SYNE1: variants seen among roughly 807,000 people sequenced by gnomAD.
SYNE1 encodes nesprin-1.
In SYNE1, 616 loss-of-function variants were observed where a neutral mutation model predicts 1,111.0. The observed-to-expected ratio is 0.55, with a 90% CI of 0.52 to 0.59. The LOEUF is 0.59. SYNE1 is among the 20% of genes least tolerant of loss of function. The probability of loss-of-function intolerance (pLI) is 0.00; values close to 1 mark genes in which losing one functional copy is unlikely to be tolerated. For missense variants in SYNE1, 10,006 were observed against 10,417.0 expected, an observed-to-expected ratio of 0.96 and a Z score of 1.72; for synonymous variants, 3,855 against 3,825.8, an observed-to-expected ratio of 1.01 and a Z score of -0.28.
At position 152,462,868 on chromosome 6, in the gene SYNE1, T is replaced by A. The variant is rs1469364147; in HGVS notation, c.2120A>T (p.Asp707Val). The change falls in exon 20 of 146, where the codon GAC (aspartate) becomes GTC (valine). Residue 707 changes from aspartate to valine, a missense_variant. By Grantham distance (152) the Asp-to-Val change is radical (BLOSUM62 -3). Around this residue, in one of 7 missense-constraint regions of SYNE1, gnomAD observed 1,971 missense variants for 2,084.1 expected, o/e 0.95. Transcript: ENST00000367255. ...VKQYAQADEM[D>V]RMKKEYTDCV... ...GTCTGTGTATTCCTTCTTCATTCTG[T>A]CCATCTCATCAGCTTGAGCATACTG... 6.2e-7 allele frequency: 1 copy of A among 1,613,942 alleles called. No individual in the cohort carries two copies. Among genetic ancestry groups the A allele is most frequent in the Admixed American group, 1.7e-5 (1 of 59,990 alleles).
chr6:152,187,634 A>G lies in SYNE1; in HGVS notation c.23301+1618T>C, dbSNP rs573388895. Among the ~76,000 whole-genome samples the G allele has an allele frequency of 3.1e-4, 47 of 152,238 alleles. 1 individual carries two copies. Among genetic ancestry groups the G allele is most frequent in the African/African-American group, 9.9e-4 (41 of 41,562 alleles). ...CCTCCACTCCCCTTTTCGAAACTCA[A>G]TTCAAAATGTATCCATCTCAAGAAA... On this transcript the variant is annotated intron_variant, in intron 128 of 145. Transcript: ENST00000367255.
intron 3 of SYNE1, among the ~76,000 whole-genome samples, chr6:152,608,181 A>T (rs2099621561): frequency 1.3e-5 from 2 of 152,190 alleles, no homozygotes; most frequent in Non-Finnish European, 1.5e-5. Context: ...AATAAATAAT[A>T]AAAAACATTA....
intron 53 of SYNE1, 62 bp from the exon 54 acceptor site, chr6:152,387,443 TCA>T: frequency 6.4e-7 from 1 of 1,553,708 alleles, no homozygotes; most frequent in South Asian, 1.1e-5. Flanking sequence ...TGAAAACCAA[TCA>T]CAAAGTCGTG....
At position 152,453,637 on chromosome 6, in the gene SYNE1, C is replaced by T; in HGVS notation, c.2976G>A (p.Gln992=). 6.2e-7 allele frequency: 1 copy of T among 1,614,196 alleles called. No individual in the cohort carries two copies. Among genetic ancestry groups the T allele is most frequent in the African/African-American group, 1.3e-5 (1 of 75,036 alleles). Residue 992 remains glutamine, a synonymous_variant, in exon 25 of 146, where the codon CAG becomes CAA. Coordinates refer to ENST00000367255, the MANE Select transcript of SYNE1 (RefSeq NM_182961.4). The part of the protein sequence containing the change: ...CDELTDILPE[Q]EQQGLQEAVR... ...CAGCTTCCTGCAGCCCCTGCTGCTCCTGCTCTGGAAGGATGTCGGTGAGTT... is the reference window on the plus strand; with the variant it reads ...CAGCTTCCTGCAGCCCCTGCTGCTCTTGCTCTGGAAGGATGTCGGTGAGTT...
intron 58 of SYNE1, among the ~76,000 whole-genome samples, chr6:152,374,918 G>GT (rs2097253890): frequency 6.8e-6 from 1 of 146,240 alleles, no homozygotes; most frequent in African/African-American, 2.6e-5. Flanking sequence ...TTTATTTTTA[G>GT]TTTATTATTT....
chr6:152,616,512 G>A (rs1176764869), intron 3 of SYNE1, among the ~76,000 whole-genome samples: 1 of 152,066 alleles, frequency 6.6e-6, no homozygotes, highest in Non-Finnish European at 1.5e-5. Flanking sequence ...GGAGGTTGAG[G>A]CTGCAGTGAG....
rs35950798 is a variant in SYNE1, at chr6:152,337,207, T to A, written c.12352-190A>T. On this transcript the variant is annotated intron_variant, in intron 75 of 145. Coordinates refer to ENST00000367255, the MANE Select transcript of SYNE1 (RefSeq NM_182961.4). ...TTGCTTCAGGAAAAGCAGATTTTTT[T>A]TAAAAAAATGTAGGGTTCCTAAAGA... 0.12 allele frequency among the ~76,000 whole-genome samples: 17,821 copies of A among 151,968 alleles called. 1,262 individuals carry two copies. Among genetic ancestry groups the A allele is most frequent in the Non-Finnish European group, 0.14 (9,466 of 67,958 alleles).
At chr6:152,534,085 G>C (rs1364387479) in intron 4 of SYNE1, among the ~76,000 whole-genome samples, 1 of 151,912 alleles carries the variant, frequency 6.6e-6, no homozygotes, top group Non-Finnish European at 1.5e-5. Flanking sequence ...CTTGAACTCG[G>C]GAGGAGGAGG....
Position 152,140,153 on chromosome 6 carries a change from C to G in SYNE1, c.25255G>C (p.Asp8419His), listed in dbSNP as rs368489813. ...TGGGCCTGGAGAAGCTCCCATCGGT[C>G]AATCACACCTGGCAAGACATGCATA... ...STETQTAGVI[D>H]RWELLQAQAL... The change falls in exon 140 of 146, where the codon GAC becomes CAC. Residue 8419 changes from aspartate (D) to histidine (H), a missense_variant. By Grantham distance (81) the Asp-to-His change is moderately conservative. Transcript: ENST00000367255. The G allele has an allele frequency of 6.2e-7, 1 of 1,614,060 alleles. No homozygotes were observed. The highest frequency in any genetic ancestry group is 1.3e-5 in the African/African-American group (1 of 74,928).
intron 78 of SYNE1, among the ~76,000 whole-genome samples, chr6:152,328,095 A>T (rs2096129455): frequency 6.6e-6 from 1 of 152,192 alleles, no homozygotes; most frequent in African/African-American, 2.4e-5. Context: ...ACCCAATGCT[A>T]AGAAGATAAA....
rs190064563 is a variant in SYNE1 at position 152,582,690 on chromosome 6, A to G, written c.68-42669T>C. Among the ~76,000 whole-genome samples, 231 of 152,176 alleles carry G rather than the reference A, an allele frequency of 1.5e-3. 1 individual carries two copies. Among genetic ancestry groups the G allele is most frequent in the African/African-American group, 5.3e-3 (221 of 41,542 alleles). ...CTTCTAGTGTACCCATTACCCAAAC[A>G]GTGAAAACTATCTGATAAGTTATTT... is the stretch of plus-strand genomic sequence containing the variant. On this transcript the variant is annotated intron_variant, in intron 3 of 145. Coordinates refer to ENST00000367255, the MANE Select transcript of SYNE1 (RefSeq NM_182961.4).
chr6:152,193,394 T>C (rs952315550), intron 127 of SYNE1, among the ~76,000 whole-genome samples: 6 of 152,214 alleles, frequency 3.9e-5, no homozygotes, highest in Non-Finnish European at 7.3e-5. Flanking sequence ...GTCAGCTCAC[T>C]GCAATCTTTG....
intron 25 of SYNE1, 80 bp from the exon 26 acceptor site, chr6:152,451,285 A>T: frequency 1.4e-6 from 2 of 1,479,018 alleles, no homozygotes; most frequent in South Asian, 1.1e-5. Flanking sequence ...GCAAAAAAAA[A>T]AACAAAAACC....
In SYNE1 at chr6:152,151,763, C is replaced by T. The variant is rs573430371; in HGVS notation, c.24313-73G>A. On this transcript the variant is annotated intron_variant, in intron 134 of 145. Coordinates refer to ENST00000367255, the MANE Select transcript of SYNE1 (RefSeq NM_182961.4). ...TTCTAAACATATGGAGATGGCACAG[C>T]GAATTCCAGTGTTCTGTAAAGTCAT... is the stretch of plus-strand genomic sequence containing the variant. 52 of 1,561,672 alleles carry T rather than the reference C, an allele frequency of 3.3e-5. No individual in the cohort carries two copies. The East Asian group carries it at 9.0e-4, about 27-fold the overall frequency.
At chr6:152,518,528 G>A (rs1042085294) in intron 6 of SYNE1, among the ~76,000 whole-genome samples, 1 of 151,922 alleles carries the variant, frequency 6.6e-6, no homozygotes, top group African/African-American at 2.4e-5. Flanking sequence ...AGGCCTCTCC[G>A]GAAACTGATG....
At chr6:152,572,882 A>C (rs748019884) in intron 3 of SYNE1, among the ~76,000 whole-genome samples, 1 of 152,200 alleles carries the variant, frequency 6.6e-6, no homozygotes, top group Non-Finnish European at 1.5e-5. Context: ...CCAACAGAGC[A>C]TACAAAAACA....
At chr6:152,283,895 T>C in intron 96 of SYNE1, 83 bp downstream of exon 96, 1 of 1,152,716 alleles carries the variant, frequency 8.7e-7, no homozygotes. Context: ...AAAATGTAAA[T>C]ACGTAAGTAA....
intron 99 of SYNE1, 48 bp downstream of exon 99, chr6:152,269,107 C>T (rs756905453): frequency 1.1e-5 from 18 of 1,613,842 alleles, no homozygotes; most frequent in South Asian, 1.1e-4. Flanking sequence ...CTCTCAGGTT[C>T]TTCTCTGGGC....
chr6:152,255,450 T>C (rs1382988031), intron 103 of SYNE1, 141 bp downstream of exon 103: 7 of 1,013,034 alleles, frequency 6.9e-6, no homozygotes, highest in Non-Finnish European at 1.1e-5. Context: ...ACTATAAATA[T>C]TCTGCATTTA....
Sources: allele counts gnomAD v4.1 joint callset (sites outside exome capture counted in the v4.1 genomes callset), GRCh38; gene constraint gnomAD v4.1.1; regional missense constraint gnomAD v4.1.1; transcripts MANE v1.5; gene names NCBI Gene and HGNC (gene_info 2026-07-23, HGNC 2026-07-21).